HTT: variants seen among roughly 807,000 people sequenced by gnomAD.
HTT encodes the protein huntington disease protein.
A neutral mutation model predicts 362.3 loss-of-function variants in HTT; 104 were observed. That is an observed-to-expected ratio of 0.29 (90% CI 0.24 to 0.34). The LOEUF (loss-of-function observed/expected upper bound fraction) is 0.34, where lower values mean the gene tolerates loss of function less well. HTT is among the 10% of genes least tolerant of loss of function. The pLI, the probability that HTT is intolerant of heterozygous loss-of-function variation, is 1.00. For missense variants in HTT, 3,301 were observed against 3,928.6 expected (o/e 0.84, Z 4.27); for synonymous variants, 1,577 against 1,548.7 (o/e 1.02, Z -0.43).
At chr4:3,200,935 G>T (rs1204817943) in intron 41 of HTT, among the ~76,000 whole-genome samples, 1 of 152,222 alleles carries the variant, frequency 6.6e-6, no homozygotes, top group East Asian at 1.9e-4. Context: ...GGATTCAGCA[G>T]ATCACTCCTT....
intron 66 of HTT, 93 bp downstream of exon 66, chr4:3,239,071 A>C (rs1452563564): frequency 1.5e-6 from 2 of 1,326,504 alleles, no homozygotes; most frequent in East Asian, 2.5e-5. Context: ...TAACCTTTGC[A>C]AAAACCCCAC....
intron 3 of HTT, among the ~76,000 whole-genome samples, chr4:3,100,298 T>A (rs1421816674): frequency 3.9e-5 from 6 of 152,212 alleles, no homozygotes; most frequent in Non-Finnish European, 7.3e-5. Flanking sequence ...GTAAGAAGTG[T>A]TCTTATTAAT....
At chr4:3,171,441 C>T (rs1473983042) in intron 29 of HTT, among the ~76,000 whole-genome samples, 2 of 149,416 alleles carry the variant, frequency 1.3e-5, no homozygotes, top group African/African-American at 4.9e-5. Context: ...TGGTGGCGCT[C>T]TTTGAGTTAG....
rs763787387 is a variant in HTT, at chr4:3,209,886, G to T, written c.6351G>T (p.Leu2117=). ...QCWTRSDSAL[L]EGAELVNRIP... ...GGACCAGGTCAGATTCTGCACTGCTGGAAGGTGCAGAGCTGGTGAATCGGA... is the reference window on the plus strand; with the variant it reads ...GGACCAGGTCAGATTCTGCACTGCTTGAAGGTGCAGAGCTGGTGAATCGGA... The change falls in exon 47 of 67, where the codon CTG becomes CTT. Residue 2117 remains leucine, a synonymous_variant. Transcript: ENST00000355072. 1 of 1,613,872 alleles carries T rather than the reference G, an allele frequency of 6.2e-7. No individual in the cohort carries two copies. Among genetic ancestry groups the T allele is most frequent in the South Asian group, 1.1e-5 (1 of 91,066 alleles).
chr4:3,078,732 G>T (rs1285326449), intron 1 of HTT, among the ~76,000 whole-genome samples: 2 of 149,604 alleles, frequency 1.3e-5, no homozygotes, highest in Admixed American at 6.6e-5. Context: ...CCATGCCTGG[G>T]TAATTTTTTT....
chr4:3,130,573 T>G, intron 14 of HTT, 150 bp downstream of exon 14: 1 of 562,342 alleles, frequency 1.8e-6, no homozygotes. Flanking sequence ...CCTGTTGTTT[T>G]CTGCCTTTCC....
chr4:3,095,277 C>T (rs1713792884), intron 2 of HTT, among the ~76,000 whole-genome samples: 1 of 152,248 alleles, frequency 6.6e-6, no homozygotes, highest in Admixed American at 6.5e-5. Flanking sequence ...GCAATCCCGG[C>T]ACCTCGGGAG....
At position 3,228,934 on chromosome 4, in the gene HTT, G is replaced by C; in HGVS notation, c.8034G>C (p.Leu2678Phe). 1 of 1,613,780 alleles carries C rather than the reference G, an allele frequency of 6.2e-7. No homozygotes were observed. The highest frequency in any genetic ancestry group is 8.5e-7 in the Non-Finnish European group (1 of 1,179,834). ...CCTGTTCGCAGTTTTTGCTTGAGTT[G>C]TACAGCCGCTGGATCCTGCCGTCCA... ...IHSCSQFLLE[L>F]YSRWILPSSS... The change falls in exon 59 of 67, where the codon TTG (leucine) becomes TTC (phenylalanine). Residue 2678 changes from leucine to phenylalanine, a missense_variant. Transcript: ENST00000355072. This position sits in a 1 kb window ranked among gnomAD's most constrained non-coding sequence, Gnocchi z 4.3.
chr4:3,100,512 C>T (rs1441588464), intron 3 of HTT, among the ~76,000 whole-genome samples: 3 of 152,186 alleles, frequency 2.0e-5, no homozygotes, highest in Non-Finnish European at 4.4e-5. Context: ...TGTCTTGTCC[C>T]TAGAGTGGTC....
At chr4:3,106,085 T>C (rs945772209) in intron 5 of HTT, among the ~76,000 whole-genome samples, 2 of 152,216 alleles carry the variant, frequency 1.3e-5, no homozygotes, top group African/African-American at 4.8e-5. Flanking sequence ...AAGAATCTTA[T>C]ATGGGTCGGG....
At position 3,208,759 on chromosome 4, in the gene HTT, T is replaced by A. The variant is rs1451989827; in HGVS notation, c.6153-14T>A. The A allele has an allele frequency of 1.9e-6, 3 of 1,581,692 alleles. No individual in the cohort carries two copies. The highest frequency in any genetic ancestry group is 2.8e-5 in the African/African-American group (2 of 72,612). On this transcript the variant is annotated splice_polypyrimidine_tract_variant and intron_variant, in intron 45 of 66. Coordinates refer to ENST00000355072, the MANE Select transcript of HTT (RefSeq NM_001388492.1). ...ACAAATTATACTGTAATTTCATTTTTATTTGTATTTTAGACACCAAAGGCT... is the reference window on the plus strand; with the variant it reads ...ACAAATTATACTGTAATTTCATTTTAATTTGTATTTTAGACACCAAAGGCT...
At chr4:3,129,070 G>A (rs760287253) in intron 12 of HTT, 10 of 152,196 alleles carry the variant, frequency 6.6e-5, no homozygotes, top group Non-Finnish European at 1.2e-4. Context: ...CATGCATGTT[G>A]TAGCCTATGT....
chr4:3,124,779 CT>C (rs1166839787), intron 10 of HTT, among the ~76,000 whole-genome samples: 1 of 152,162 alleles, frequency 6.6e-6, no homozygotes, highest in Non-Finnish European at 1.5e-5. Context: ...TTTTTTCACT[CT>C]TAATCTCACA....
rs1342961053 is a variant in HTT, at chr4:3,242,318, A to G, written c.*2259A>G. On this transcript the variant is annotated 3_prime_UTR_variant, in exon 67 of 67. Transcript: ENST00000355072. The stretch of plus-strand genomic sequence containing the variant: ...CAGTAGGTGTCCCCCACCCCCAAAG[A>G]CCTGCCTGTGTGCTCCGGAGATGAA... The G allele has an allele frequency of 1.3e-5, 2 of 152,198 alleles. No individual in the cohort carries two copies. The highest frequency in any genetic ancestry group is 2.9e-5 in the Non-Finnish European group (2 of 68,048). The allele number at this position is 152,198 out of a possible 1,614,324, so 9.4% of individuals were successfully genotyped here. A position where few individuals can be genotyped will look rare whatever the true frequency, so the allele number is the denominator to read the frequency against.
chr4:3,115,035 A>G (rs916197920), intron 6 of HTT, among the ~76,000 whole-genome samples: 1 of 152,066 alleles, frequency 6.6e-6, no homozygotes, highest in African/African-American at 2.4e-5. Context: ...GTGTATCTAG[A>G]ATTGAGGCCT....
chr4:3,179,691 CTG>C (rs559063205), intron 35 of HTT, among the ~76,000 whole-genome samples: 2 of 141,718 alleles, frequency 1.4e-5, no homozygotes, highest in Non-Finnish European at 3.0e-5. Context: ...GAGTGTGCCT[CTG>C]TGTGTGTGCT....
intron 61 of HTT, 33 bp downstream of exon 61, chr4:3,233,386 G>T: frequency 6.4e-7 from 1 of 1,571,480 alleles, no homozygotes; most frequent in South Asian, 1.1e-5. Flanking sequence ...CTGGGGCGGG[G>T]GTCTCAGAAT....
intron 32 of HTT, 59 bp downstream of exon 32, chr4:3,174,858 G>C: frequency 5.7e-6 from 9 of 1,569,076 alleles, no homozygotes; most frequent in Non-Finnish European, 7.9e-6. Context: ...AGAGGAAACT[G>C]GAGCTGAGAC....
intron 27 of HTT, among the ~76,000 whole-genome samples, chr4:3,156,367 G>A (rs1351228218): frequency 5.3e-5 from 8 of 152,158 alleles, no homozygotes; most frequent in Middle Eastern, 3.2e-3. Flanking sequence ...TGATCCGCCT[G>A]CCTTGGCCTG....
Sources: allele counts gnomAD v4.1 joint callset (sites outside exome capture counted in the v4.1 genomes callset), GRCh38; gene constraint gnomAD v4.1.1; non-coding constraint Gnocchi (gnomAD v3.1); transcripts MANE v1.5; gene names NCBI Gene and HGNC (gene_info 2026-07-23, HGNC 2026-07-21).